Variants in PARD3B observed in about 807,000 individuals in gnomAD.
The protein encoded by PARD3B is partitioning defective 3 homolog B.
PARD3B carries 103 observed loss-of-function variants against 130.2 expected under a neutral mutation model. The ratio of observed to expected loss-of-function variants is 0.79; its 90% CI spans 0.67 to 0.93. The LOEUF (loss-of-function observed/expected upper bound fraction) is 0.93, where lower values mean the gene tolerates loss of function less well. PARD3B is among the 40% of genes least tolerant of loss of function. PARD3B has a pLI of 0.00. For missense variants in PARD3B, 1,609 were observed against 1,499.2 expected (o/e 1.07, Z -1.21); for synonymous variants, 583 against 553.2 (o/e 1.05, Z -0.76).
At position 205,300,746 on chromosome 2, in the gene PARD3B, T is replaced by C. The variant is rs751337403; in HGVS notation, c.2392+10T>C. 1.2e-6 allele frequency: 2 copies of C among 1,601,566 alleles called. No individual in the cohort carries two copies. Among genetic ancestry groups the C allele is most frequent in the East Asian group, 2.2e-5 (1 of 44,528 alleles). On this transcript the variant is annotated intron_variant, in intron 17 of 22. Transcript: ENST00000406610. This position sits in a 1 kb window ranked among gnomAD's most constrained non-coding sequence, Gnocchi z 4.1. ...GAAGAAATAGAAGCTGGTAGGATGATATGCTTCCTTAAATGGCTTCTTCAT... is the reference window on the plus strand; with the variant it reads ...GAAGAAATAGAAGCTGGTAGGATGACATGCTTCCTTAAATGGCTTCTTCAT...
intron 15 of PARD3B, among the ~76,000 whole-genome samples, chr2:205,220,819 G>A (rs566925606): frequency 6.6e-6 from 1 of 152,168 alleles, no homozygotes; most frequent in Non-Finnish European, 1.5e-5. Flanking sequence ...CCACAGTATG[G>A]AAAAGAGCAT....
chr2:204,976,475 A>G (rs1382126966), intron 3 of PARD3B, among the ~76,000 whole-genome samples: 2 of 152,164 alleles, frequency 1.3e-5, no homozygotes, highest in East Asian at 3.8e-4. Context: ...CATGTAAAAC[A>G]CAGAGAATAC....
intron 2 of PARD3B, among the ~76,000 whole-genome samples, chr2:204,779,159 AT>A (rs989141491): frequency 2.0e-4 from 31 of 151,794 alleles, no homozygotes; most frequent in African/African-American, 6.5e-4. Flanking sequence ...CTGATAAATT[AT>A]TTTTTTCCTC....
At chr2:205,040,121 G>C (rs1055646478) in intron 3 of PARD3B, among the ~76,000 whole-genome samples, 1 of 151,822 alleles carries the variant, frequency 6.6e-6, no homozygotes, top group Non-Finnish European at 1.5e-5. Flanking sequence ...ATGCCACCAT[G>C]CCCAGCTAAT....
intron 3 of PARD3B, among the ~76,000 whole-genome samples, chr2:205,033,510 A>G (rs1697573553): frequency 6.6e-6 from 1 of 152,084 alleles, no homozygotes; most frequent in Non-Finnish European, 1.5e-5. Flanking sequence ...AGTTTCCTCA[A>G]TCAGTTGTTC....
chr2:205,087,534 A>G (rs1701810945), intron 4 of PARD3B, among the ~76,000 whole-genome samples: 1 of 152,108 alleles, frequency 6.6e-6, no homozygotes, highest in Non-Finnish European at 1.5e-5. Context: ...TATGGACAAA[A>G]TTTGGAATAT....
At chr2:205,089,385 G>A (rs937208166) in intron 4 of PARD3B, among the ~76,000 whole-genome samples, 2 of 151,928 alleles carry the variant, frequency 1.3e-5, no homozygotes, top group Non-Finnish European at 2.9e-5. Context: ...TGGCCAGGCT[G>A]GTCTTGAACT....
At chr2:204,841,646 G>A (rs2044263275) in intron 2 of PARD3B, among the ~76,000 whole-genome samples, 1 of 151,976 alleles carries the variant, frequency 6.6e-6, no homozygotes, top group Non-Finnish European at 1.5e-5. Flanking sequence ...GCTTTCTTTT[G>A]TTTTGCGATG....
chr2:205,557,702 G>A (rs541160948), intron 22 of PARD3B, among the ~76,000 whole-genome samples: 25 of 152,288 alleles, frequency 1.6e-4, no homozygotes, highest in South Asian at 2.1e-4. Flanking sequence ...AACCCTCAGC[G>A]AAGAGCCTGT....
chr2:205,496,140 C>T (rs1176652739), intron 20 of PARD3B, among the ~76,000 whole-genome samples: 1 of 152,126 alleles, frequency 6.6e-6, no homozygotes, highest in African/African-American at 2.4e-5. Flanking sequence ...TGATGATTGC[C>T]ACTATCACAA....
rs535784556 is a variant in PARD3B at position 204,752,711 on chromosome 2, T to C, written c.222+66429T>C. On this transcript the variant is annotated intron_variant, in intron 2 of 22. Transcript: ENST00000406610. ...ATTTTATGTCATCTCCATCCATAAA[T>C]CACTGCCAAGCCTTTTGAAAGGGGT... 2.6e-5 allele frequency among the ~76,000 whole-genome samples: 4 copies of C among 152,272 alleles called. 1 individual carries two copies. The highest frequency in any genetic ancestry group is 9.6e-5 in the African/African-American group (4 of 41,568).
At chr2:205,231,249 G>A (rs1302914699) in intron 15 of PARD3B, among the ~76,000 whole-genome samples, 1 of 151,856 alleles carries the variant, frequency 6.6e-6, no homozygotes, top group African/African-American at 2.4e-5. Flanking sequence ...GACTTAAGTG[G>A]TCTTAGGGCC....
rs2055550783 is a variant in PARD3B, at chr2:205,620,101, A to G, written c.*4288A>G. 1 of 152,112 alleles carries G rather than the reference A, an allele frequency of 6.6e-6. No individual in the cohort carries two copies. Among genetic ancestry groups the G allele is most frequent in the Non-Finnish European group, 1.5e-5 (1 of 68,016 alleles). The allele number at this position is 152,112 out of a possible 1,614,324, so 9.4% of individuals were successfully genotyped here. Reference sequence around the variant, plus strand: ...GAAAACATTTTGGAAGTTGTTATATATGAGTATATAAATTTTTCTTTTCAT... The same window carrying G: ...GAAAACATTTTGGAAGTTGTTATATGTGAGTATATAAATTTTTCTTTTCAT... On this transcript the variant is annotated 3_prime_UTR_variant, in exon 23 of 23. Transcript: ENST00000406610.
intron 20 of PARD3B, among the ~76,000 whole-genome samples, chr2:205,490,964 T>G (rs2049680876): frequency 6.6e-6 from 1 of 152,244 alleles, no homozygotes; most frequent in Non-Finnish European, 1.5e-5. Flanking sequence ...GTTGTTTTTT[T>G]CTTGTAAATG....
intron 2 of PARD3B, among the ~76,000 whole-genome samples, chr2:204,871,879 T>A (rs2045642161): frequency 6.6e-6 from 1 of 152,244 alleles, no homozygotes; most frequent in East Asian, 1.9e-4. Flanking sequence ...AACCCAATTT[T>A]AAAGCTTTCT....
chr2:204,584,982 A>C (rs1363697092), intron 1 of PARD3B, among the ~76,000 whole-genome samples: 1 of 152,208 alleles, frequency 6.6e-6, no homozygotes, highest in East Asian at 1.9e-4. Flanking sequence ...TGATGGGAGC[A>C]GGTGGTGTTT....
intron 2 of PARD3B, among the ~76,000 whole-genome samples, chr2:204,693,376 T>C (rs2037444370): frequency 6.6e-6 from 1 of 152,022 alleles, no homozygotes; most frequent in Non-Finnish European, 1.5e-5. Context: ...GGTTAAGATC[T>C]TGGATTCTGG....
chr2:205,057,686 C>T (rs898495257), intron 4 of PARD3B, among the ~76,000 whole-genome samples: 7 of 102,844 alleles, frequency 6.8e-5, no homozygotes, highest in South Asian at 3.1e-4. Context: ...TATGTGTATA[C>T]GTACATATAC....
intron 1 of PARD3B, among the ~76,000 whole-genome samples, chr2:204,622,958 G>A (rs1004863105): frequency 2.0e-5 from 3 of 151,864 alleles, no homozygotes; most frequent in Admixed American, 1.3e-4. Flanking sequence ...TTCTAAGTAT[G>A]TTTGATACGT....
Sources: allele counts gnomAD v4.1 joint callset (sites outside exome capture counted in the v4.1 genomes callset), GRCh38; gene constraint gnomAD v4.1.1; non-coding constraint Gnocchi (gnomAD v3.1); transcripts MANE v1.5; gene names NCBI Gene and HGNC (gene_info 2026-07-23, HGNC 2026-07-21).